The following CACNB2 variants were observed in gnomAD, a reference collection of about 807,000 sequenced individuals.
CACNB2 encodes the protein voltage-dependent L-type calcium channel subunit beta-2.
A neutral mutation model predicts 73.3 loss-of-function variants in CACNB2; 42 were observed. That is an observed-to-expected ratio of 0.57 (90% CI 0.45 to 0.74). The LOEUF is 0.74. Ranked by LOEUF, CACNB2 falls within the 30% of genes least tolerant of loss-of-function variation. The pLI is 0.00. For missense variants in CACNB2, 940 were observed against 853.0 expected, an observed-to-expected ratio of 1.10 and a Z score of -1.27; for synonymous variants, 348 against 310.3, an observed-to-expected ratio of 1.12 and a Z score of -1.28.
intron 2 of CACNB2, among the ~76,000 whole-genome samples, chr10:18,279,404 G>C (rs1375794199): frequency 1.3e-5 from 2 of 152,188 alleles, no homozygotes; most frequent in Non-Finnish European, 1.5e-5. Flanking sequence ...CCTTGCTTAA[G>C]AAACGATTGT....
At chr10:18,532,798 C>CT (rs2053197130) in intron 10 of CACNB2, among the ~76,000 whole-genome samples, 1 of 151,404 alleles carries the variant, frequency 6.6e-6, no homozygotes, top group Non-Finnish European at 1.5e-5. Flanking sequence ...GATGCTGTGA[C>CT]TGTCTGAACA....
At chr10:18,184,829 G>A (rs756176830) in intron 2 of CACNB2, among the ~76,000 whole-genome samples, 11 of 151,928 alleles carry the variant, frequency 7.2e-5, no homozygotes, top group East Asian at 5.8e-4. Context: ...CCATCACCTC[G>A]GTATTAAGCC....
At chr10:18,472,853 C>G (rs570126199) in intron 3 of CACNB2, among the ~76,000 whole-genome samples, 1 of 152,176 alleles carries the variant, frequency 6.6e-6, no homozygotes, top group African/African-American at 2.4e-5. Flanking sequence ...GCTACCTGAG[C>G]TCACCTTTCT....
chr10:18,339,178 A>G (rs1464283273), intron 2 of CACNB2, among the ~76,000 whole-genome samples: 2 of 152,032 alleles, frequency 1.3e-5, no homozygotes, highest in Non-Finnish European at 2.9e-5. Flanking sequence ...GTGCATCAAC[A>G]GTTTCATTAT....
intron 2 of CACNB2, among the ~76,000 whole-genome samples, chr10:18,266,474 C>A (rs977543492): frequency 6.6e-6 from 1 of 151,458 alleles, no homozygotes; most frequent in African/African-American, 2.4e-5. Context: ...GCTGAAGTGC[C>A]TGTTCACAGA....
intron 2 of CACNB2, among the ~76,000 whole-genome samples, chr10:18,155,829 G>C (rs2031997181): frequency 6.6e-6 from 1 of 151,288 alleles, no homozygotes; most frequent in Admixed American, 6.6e-5. Context: ...CTGTGGCTAG[G>C]CCTAGGGAAC....
intron 2 of CACNB2, among the ~76,000 whole-genome samples, chr10:18,220,248 GA>G (rs2035732285): frequency 1.9e-5 from 2 of 107,858 alleles, no homozygotes; most frequent in African/African-American, 8.1e-5. Context: ...GAGAGAGAGA[GA>G]GAGAGAGAGA....
chr10:18,341,308 G>C (rs1402725385), intron 2 of CACNB2, among the ~76,000 whole-genome samples: 6 of 152,214 alleles, frequency 3.9e-5, no homozygotes, highest in Non-Finnish European at 8.8e-5. Context: ...GTATCACTCT[G>C]ACAGCCTAGC....
At chr10:18,161,347 T>C (rs1211181410) in intron 2 of CACNB2, among the ~76,000 whole-genome samples, 1 of 152,190 alleles carries the variant, frequency 6.6e-6, no homozygotes, top group Non-Finnish European at 1.5e-5. Flanking sequence ...ATTTCTTCTT[T>C]TGCATAGAGT....
chr10:18,143,840 A>C (rs910642466), intron 1 of CACNB2, among the ~76,000 whole-genome samples: 1 of 152,174 alleles, frequency 6.6e-6, no homozygotes, highest in Non-Finnish European at 1.5e-5. Context: ...CCTCTAAAGC[A>C]ATGATTGGTT....
At chr10:18,441,557 A>G (rs2046412176) in intron 3 of CACNB2, among the ~76,000 whole-genome samples, 1 of 151,392 alleles carries the variant, frequency 6.6e-6, no homozygotes, top group Non-Finnish European at 1.5e-5. Context: ...TGCTGGCTTT[A>G]CTGAGGTATA....
chr10:18,310,814 C>T (rs1483891793), intron 2 of CACNB2, among the ~76,000 whole-genome samples: 1 of 151,532 alleles, frequency 6.6e-6, no homozygotes, highest in Admixed American at 6.6e-5. Context: ...AACTCCTGAC[C>T]TCAAGTCATC....
At chr10:18,266,337 G>T (rs2037799497) in intron 2 of CACNB2, among the ~76,000 whole-genome samples, 2 of 152,134 alleles carry the variant, frequency 1.3e-5, no homozygotes, top group Admixed American at 6.5e-5. Flanking sequence ...CATGTATAGT[G>T]CTTTGGTCAT....
intron 3 of CACNB2, among the ~76,000 whole-genome samples, chr10:18,493,584 ATCCATTTTC>A (rs1463338058): frequency 1.3e-5 from 2 of 152,116 alleles, no homozygotes; most frequent in Non-Finnish European, 2.9e-5. Context: ...GCCTGGTGCA[ATCCATTTTC>A]TGTAATCCCG....
chr10:18,335,889 T>C (rs1178786448), intron 2 of CACNB2, among the ~76,000 whole-genome samples: 1 of 152,108 alleles, frequency 6.6e-6, no homozygotes, highest in South Asian at 2.1e-4. Flanking sequence ...GAAATTCCTA[T>C]ATGTTCCATT....
intron 7 of CACNB2, chr10:18,515,189 C>T (rs556651418): frequency 3.2e-4 from 227 of 709,560 alleles, no homozygotes; most frequent in Middle Eastern, 4.7e-4. Flanking sequence ...TGCTACACAG[C>T]GAGGCTCCTT....
rs184078224 is a variant in CACNB2 at position 18,376,908 on chromosome 10, C to T, written c.214-25016C>T. Among the ~76,000 whole-genome samples, 9 of 152,236 alleles carry T rather than the reference C, an allele frequency of 5.9e-5. 1 individual carries two copies. Among genetic ancestry groups the T allele is most frequent in the East Asian group, 3.9e-4 (2 of 5,182 alleles). On this transcript the variant is annotated intron_variant, in intron 2 of 13. Coordinates refer to ENST00000324631, the MANE Select transcript of CACNB2 (RefSeq NM_201596.3). ...TTTGGATTTAGGCAGTTTTTGATTA[C>T]GGTGAACTTTAGAATGAGCGGCTTG...
intron 2 of CACNB2, among the ~76,000 whole-genome samples, chr10:18,247,814 C>T (rs745522433): frequency 6.6e-6 from 1 of 152,126 alleles, no homozygotes; most frequent in Admixed American, 6.5e-5. Flanking sequence ...CTGTGAGGAC[C>T]ACCTTTTCTG....
At chr10:18,414,553 C>T (rs1415007288) in intron 3 of CACNB2, among the ~76,000 whole-genome samples, 3 of 145,338 alleles carry the variant, frequency 2.1e-5, no homozygotes, top group African/African-American at 5.3e-5. Flanking sequence ...GGCACAATCT[C>T]GGCTCACTGC....
Sources: allele counts gnomAD v4.1 joint callset (sites outside exome capture counted in the v4.1 genomes callset), GRCh38; gene constraint gnomAD v4.1.1; transcripts MANE v1.5; gene names NCBI Gene and HGNC (gene_info 2026-07-23, HGNC 2026-07-21).